SRP9: variants seen among roughly 807,000 people sequenced by gnomAD.
The protein encoded by SRP9 is signal recognition particle 9 kDa protein.
Under a neutral mutation model 11.7 loss-of-function variants are expected in SRP9, and 2 were observed. The ratio of observed to expected loss-of-function variants is 0.17; its 90% CI spans 0.07 to 0.54. The LOEUF (loss-of-function observed/expected upper bound fraction) is 0.54, where lower values mean the gene tolerates loss of function less well. SRP9 is among the 20% of genes least tolerant of loss of function. The pLI is 0.94. For synonymous variants in SRP9, 27 were observed against 35.6 expected, an observed-to-expected ratio of 0.76 and a Z score of 0.86; for missense variants, 54 against 108.1, an observed-to-expected ratio of 0.50 and a Z score of 2.22.
intron 1 of SRP9, among the ~76,000 whole-genome samples, chr1:225,781,755 G>A (rs1430583815): frequency 3.9e-5 from 6 of 152,066 alleles, no homozygotes; most frequent in African/African-American, 1.4e-4. Flanking sequence ...TCCTTTAACT[G>A]AGAGTTAAAA....
intron 2 of SRP9, among the ~76,000 whole-genome samples, chr1:225,787,389 A>G (rs1193589046): frequency 6.6e-6 from 1 of 151,880 alleles, no homozygotes; most frequent in Non-Finnish European, 1.5e-5. Flanking sequence ...AAATATTAGC[A>G]TGGTGGTGGG....
intron 2 of SRP9, among the ~76,000 whole-genome samples, chr1:225,787,821 T>C (rs753708789): frequency 4.6e-5 from 7 of 152,240 alleles, no homozygotes; most frequent in Non-Finnish European, 8.8e-5. Context: ...AAGATTAATA[T>C]GGCCTTTTTA....
At position 225,781,395 on chromosome 1, in the gene SRP9, C is replaced by CTTTTT. The variant is rs11315558; in HGVS notation, c.73-1888_73-1884dup. ...GATTGGCCTTTTTTCTTTTCTTTTTCTTTTTTTTTTTTTTTTTTTTTGAGA... is the reference window on the plus strand; with the variant it reads ...GATTGGCCTTTTTTCTTTTCTTTTTCTTTTTTTTTTTTTTTTTTTTTTTTTTGAGA... On this transcript the variant is annotated intron_variant, in intron 1 of 2. Coordinates refer to ENST00000304786, the MANE Select transcript of SRP9 (RefSeq NM_003133.6). Among the ~76,000 whole-genome samples, 94 of 87,752 alleles carry CTTTTT rather than the reference C, an allele frequency of 1.1e-3. 3 individuals are homozygous for CTTTTT. The highest frequency in any genetic ancestry group is 7.5e-3 in the East Asian group (19 of 2,550). 57.6% of individuals were successfully genotyped at this position (87,752 alleles called of 152,430 possible).
intron 2 of SRP9, 22 bp downstream of exon 2, chr1:225,783,390 T>G (rs1282575212): frequency 6.5e-7 from 1 of 1,547,530 alleles, no homozygotes; most frequent in Admixed American, 1.7e-5. Flanking sequence ...TTTTTATTTG[T>G]TACATACTTT....
chr1:225,786,202 G>A (rs761037067), intron 2 of SRP9, among the ~76,000 whole-genome samples: 9 of 152,228 alleles, frequency 5.9e-5, no homozygotes, highest in Non-Finnish European at 1.2e-4. Context: ...CCAGACTGCT[G>A]CTTATCTTTC....
At chr1:225,785,095 C>CG (rs888578005) in intron 2 of SRP9, among the ~76,000 whole-genome samples, 4 of 151,762 alleles carry the variant, frequency 2.6e-5, no homozygotes, top group African/African-American at 9.7e-5. Context: ...TCTATTTAGA[C>CG]GGAGTCTCGC....
intron 2 of SRP9, among the ~76,000 whole-genome samples, chr1:225,788,378 C>T (rs1277572106): frequency 6.6e-6 from 1 of 151,528 alleles, no homozygotes; most frequent in African/African-American, 2.4e-5. Flanking sequence ...CAGAGTGAGA[C>T]ACTGTCTCAA....
At chr1:225,788,535 C>A (rs946421296) in intron 2 of SRP9, among the ~76,000 whole-genome samples, 2 of 151,858 alleles carry the variant, frequency 1.3e-5, no homozygotes, top group African/African-American at 4.8e-5. Context: ...CCTGCCTCAG[C>A]CTCCTAAGTA....
chr1:225,785,215 C>T (rs1665883869), intron 2 of SRP9, among the ~76,000 whole-genome samples: 1 of 150,994 alleles, frequency 6.6e-6, no homozygotes, highest in African/African-American at 2.4e-5. Context: ...GGACTACAGC[C>T]GTGCACCACC....
intron 2 of SRP9, among the ~76,000 whole-genome samples, chr1:225,785,104 G>A (rs999786756): frequency 1.3e-5 from 2 of 151,734 alleles, no homozygotes; most frequent in African/African-American, 2.4e-5. Context: ...ACGGAGTCTC[G>A]CTCTGTTGCA....
intron 1 of SRP9, among the ~76,000 whole-genome samples, chr1:225,782,174 A>T (rs993271167): frequency 1.7e-4 from 26 of 151,026 alleles, no homozygotes; most frequent in East Asian, 9.7e-4. Flanking sequence ...TTATTTATTT[A>T]TTTTTTTTGA....
At chr1:225,784,843 A>G (rs1287804237) in intron 2 of SRP9, among the ~76,000 whole-genome samples, 3 of 152,014 alleles carry the variant, frequency 2.0e-5, no homozygotes, top group Admixed American at 2.0e-4. Flanking sequence ...CTCCATCTCA[A>G]AAAAACAAAC....
intron 2 of SRP9, 94 bp from the exon 3 acceptor site, chr1:225,789,146 G>T: frequency 1.3e-6 from 2 of 1,551,902 alleles, no homozygotes; most frequent in South Asian, 2.4e-5. Flanking sequence ...ACAGTGGTAG[G>T]AAAAACTCTC....
Position 225,777,957 on chromosome 1 carries a change from C to G in SRP9, c.17C>G (p.Thr6Ser), listed in dbSNP as rs773151221. 6.2e-7 allele frequency: 1 copy of G among 1,614,220 alleles called. No individual in the cohort carries two copies. Among genetic ancestry groups the G allele is most frequent in the Non-Finnish European group, 8.5e-7 (1 of 1,180,026 alleles). The change falls in exon 1 of 3, where the codon ACC (threonine) becomes AGC (serine). Residue 6 changes from threonine (T) to serine (S), a missense_variant. Coordinates refer to ENST00000304786, the MANE Select transcript of SRP9 (RefSeq NM_003133.6). ...TAGGCCACGATGCCGCAGTACCAGA[C>G]CTGGGAGGAGTTCAGCCGCGCTGCC... MPQYQTWEEFSRAAEK... is the reference protein window; with the variant it reads MPQYQSWEEFSRAAEK...
chr1:225,778,557 A>G (rs1254025794), intron 1 of SRP9, among the ~76,000 whole-genome samples: 11 of 152,090 alleles, frequency 7.2e-5, no homozygotes, highest in African/African-American at 2.4e-4. Flanking sequence ...GAAAAATGGT[A>G]TAAGTAAATG....
At chr1:225,780,130 C>T (rs2102646128) in intron 1 of SRP9, among the ~76,000 whole-genome samples, 1 of 151,634 alleles carries the variant, frequency 6.6e-6, no homozygotes, top group South Asian at 2.1e-4. Context: ...CCTCCCACCT[C>T]AGCCTCCTGA....
intron 1 of SRP9, among the ~76,000 whole-genome samples, chr1:225,781,806 C>G (rs1050602092): frequency 6.6e-6 from 1 of 152,060 alleles, no homozygotes; most frequent in Non-Finnish European, 1.5e-5. Context: ...TTAAGTGTTT[C>G]GTTTCTAGAG....
chr1:225,778,985 C>T (rs1227682668), intron 1 of SRP9, among the ~76,000 whole-genome samples: 6 of 152,100 alleles, frequency 3.9e-5, no homozygotes, highest in East Asian at 3.8e-4. Flanking sequence ...GTGGGAGACA[C>T]AAAGGTGAAT....
intron 2 of SRP9, chr1:225,786,825 G>A: frequency 8.0e-7 from 1 of 1,257,194 alleles, no homozygotes; most frequent in Non-Finnish European, 1.0e-6. Flanking sequence ...TCTTTTGTTT[G>A]TTGATTGGTT....
Sources: gnomAD v4.1 joint callset for allele counts (sites outside exome capture counted in the v4.1 genomes callset) on GRCh38, gnomAD v4.1.1 for gene constraint, MANE v1.5 for transcripts, NCBI Gene and HGNC (gene_info 2026-07-23, HGNC 2026-07-21) for gene names.